Variants in MCPH1 observed in about 807,000 individuals in gnomAD.
The protein encoded by MCPH1 is microcephalin.
Under a neutral mutation model 84.5 loss-of-function variants are expected in MCPH1, and 104 were observed. The ratio of observed to expected loss-of-function variants is 1.23; its 90% CI spans 1.05 to 1.45. The LOEUF is 1.45. Among genes scored for constraint, MCPH1 ranks in the 40% most tolerant of loss-of-function variants. The pLI is 0.00. For synonymous variants in MCPH1, 514 were observed against 366.8 expected (o/e 1.40, Z -4.58); for missense variants, 1,498 against 1,005.7 (o/e 1.49, Z -6.62).
intron 12 of MCPH1, chr8:6,615,781 G>A (rs945452854): frequency 6.6e-6 from 1 of 152,182 alleles, no homozygotes; most frequent in African/African-American, 2.4e-5. Flanking sequence ...ATATTTGGGG[G>A]ACAGAGAACA....
rs1554499807 is a variant in MCPH1 at position 6,465,920 on chromosome 8, T to TATCA, written c.1935+10671_1935+10672insAATC. ...TAATTATTTCCTACTCAATTTTATC[T>TATCA]ATCGATCCATCCATCCATCCATCCA... On this transcript the variant is annotated intron_variant, in intron 9 of 13. Coordinates refer to ENST00000344683, the MANE Select transcript of MCPH1 (RefSeq NM_024596.5). Among the ~76,000 whole-genome samples, 3 of 92,160 alleles carry TATCA rather than the reference T, an allele frequency of 3.3e-5. No homozygotes were observed. The East Asian group carries it at 9.5e-4, about 29-fold the overall frequency. 60.5% of individuals were successfully genotyped at this position (92,160 alleles called of 152,430 possible).
chr8:6,587,128 G>A (rs982660571), intron 12 of MCPH1, among the ~76,000 whole-genome samples: 1 of 152,072 alleles, frequency 6.6e-6, no homozygotes, highest in Non-Finnish European at 1.5e-5. Flanking sequence ...GAGTATGCGT[G>A]CACGTCTCTG....
At chr8:6,545,515 A>G (rs184259489) in intron 12 of MCPH1, among the ~76,000 whole-genome samples, 31 of 152,356 alleles carry the variant, frequency 2.0e-4, no homozygotes, top group Non-Finnish European at 2.1e-4. Flanking sequence ...TTGGAAAAGT[A>G]ATTTTAAAGT....
At chr8:6,602,816 C>A (rs1443043068) in intron 12 of MCPH1, among the ~76,000 whole-genome samples, 1 of 151,914 alleles carries the variant, frequency 6.6e-6, no homozygotes, top group Non-Finnish European at 1.5e-5. Context: ...AGCATATTTG[C>A]TTGGTGTTTT....
Position 6,445,020 on chromosome 8 carries a change from C to G in MCPH1, c.1298C>G (p.Ser433Cys), listed in dbSNP as rs757893077. ...ERYSENLPPE[S>C]QLPSSPAQLS... Reference sequence around the variant, plus strand: ...TATTCAGAGAATCTTCCTCCTGAATCTCAGCTGCCATCAAGCCCTGCTCAG... The same window carrying G: ...TATTCAGAGAATCTTCCTCCTGAATGTCAGCTGCCATCAAGCCCTGCTCAG... Residue 433 changes from serine (S) to cysteine (C), a missense_variant, in exon 8 of 14, where the codon TCT (serine) becomes TGT (cysteine). Coordinates refer to ENST00000344683, the MANE Select transcript of MCPH1 (RefSeq NM_024596.5). The G allele has an allele frequency of 6.2e-7, 1 of 1,614,094 alleles. No homozygotes were observed. The highest frequency in any genetic ancestry group is 1.3e-5 in the African/African-American group (1 of 74,936).
intron 12 of MCPH1, among the ~76,000 whole-genome samples, chr8:6,603,125 A>C (rs954799236): frequency 1.1e-4 from 17 of 152,058 alleles, no homozygotes; most frequent in African/African-American, 3.9e-4. Context: ...ATTTTTTAAG[A>C]AAAGTCAAAT....
chr8:6,506,069 A>G (rs974470637), intron 12 of MCPH1, among the ~76,000 whole-genome samples: 1 of 149,052 alleles, frequency 6.7e-6, no homozygotes, highest in Non-Finnish European at 1.5e-5. Flanking sequence ...GTGTTTATAC[A>G]TTGGTTTGTT....
intron 12 of MCPH1, among the ~76,000 whole-genome samples, chr8:6,543,477 T>C (rs1272753051): frequency 6.6e-6 from 1 of 152,170 alleles, no homozygotes; most frequent in African/African-American, 2.4e-5. Flanking sequence ...CAAAACGCAC[T>C]GACGGGCAAT....
At chr8:6,622,984 G>A (rs1159788293) in intron 13 of MCPH1, among the ~76,000 whole-genome samples, 1 of 150,884 alleles carries the variant, frequency 6.6e-6, no homozygotes, top group African/African-American at 2.4e-5. Context: ...GGAACTACAG[G>A]TGCACACCAC....
chr8:6,496,192 A>C (rs906949420), intron 11 of MCPH1, among the ~76,000 whole-genome samples: 1 of 152,142 alleles, frequency 6.6e-6, no homozygotes, highest in Non-Finnish European at 1.5e-5. Flanking sequence ...GTGACGAGAG[A>C]CAGTGACAGA....
intron 3 of MCPH1, among the ~76,000 whole-genome samples, chr8:6,419,992 C>T (rs955329745): frequency 2.0e-5 from 3 of 151,194 alleles, no homozygotes; most frequent in Non-Finnish European, 4.4e-5. Flanking sequence ...GTGGCCAGAG[C>T]GTCCTCTTCT....
At chr8:6,518,193 T>C (rs1008961032) in intron 12 of MCPH1, among the ~76,000 whole-genome samples, 9 of 152,186 alleles carry the variant, frequency 5.9e-5, no homozygotes, top group African/African-American at 1.7e-4. Context: ...TCTGCATCGG[T>C]GTCCATGGCA....
rs540395049 is a variant in MCPH1, at chr8:6,440,010, T to C, written c.580+914T>C. The stretch of plus-strand genomic sequence containing the variant: ...TTCTGTGTGGAGGTGTAATTTCTGT[T>C]TTACCTAAATTAGATAATGACATAT... On this transcript the variant is annotated intron_variant, in intron 6 of 13. Coordinates refer to ENST00000344683, the MANE Select transcript of MCPH1 (RefSeq NM_024596.5). Among the ~76,000 whole-genome samples, 18 of 152,338 alleles carry C rather than the reference T, an allele frequency of 1.2e-4. No homozygotes were observed. In the South Asian group the frequency reaches 3.5e-3, roughly 30 times the overall value.
At chr8:6,494,675 G>T (rs1305590975) in intron 11 of MCPH1, 1 of 152,158 alleles carries the variant, frequency 6.6e-6, no homozygotes, top group Non-Finnish European at 1.5e-5. Flanking sequence ...ATTCCTTTCA[G>T]ACAGTATATC....
At chr8:6,552,634 A>G (rs1437241901) in intron 12 of MCPH1, among the ~76,000 whole-genome samples, 4 of 152,168 alleles carry the variant, frequency 2.6e-5, no homozygotes, top group African/African-American at 4.8e-5. Context: ...GCAATTGTGT[A>G]GCATCTTACA....
intron 3 of MCPH1, among the ~76,000 whole-genome samples, chr8:6,420,863 C>T (rs947529397): frequency 6.6e-6 from 1 of 152,110 alleles, no homozygotes; most frequent in African/African-American, 2.4e-5. Flanking sequence ...GAAAGAATTC[C>T]ACGGAGGAGC....
chr8:6,518,222 C>A (rs1816660719), intron 12 of MCPH1, among the ~76,000 whole-genome samples: 2 of 152,184 alleles, frequency 1.3e-5, no homozygotes, highest in East Asian at 1.9e-4. Context: ...TCACATGCAT[C>A]CTCTGTCCCC....
chr8:6,580,830 T>A, intron 12 of MCPH1, among the ~76,000 whole-genome samples: 1 of 152,222 alleles, frequency 6.6e-6, no homozygotes, highest in Non-Finnish European at 1.5e-5. Flanking sequence ...TTCCTGTAAA[T>A]AACTTTGCAT....
At chr8:6,407,642 A>G (rs1479320769) in intron 1 of MCPH1, among the ~76,000 whole-genome samples, 1 of 152,222 alleles carries the variant, frequency 6.6e-6, no homozygotes, top group Non-Finnish European at 1.5e-5. Context: ...GTCTGTAATC[A>G]GATGTGGCTA....
Sources: gnomAD v4.1 joint callset for allele counts (sites outside exome capture counted in the v4.1 genomes callset) on GRCh38, gnomAD v4.1.1 for gene constraint, MANE v1.5 for transcripts, NCBI Gene and HGNC (gene_info 2026-07-23, HGNC 2026-07-21) for gene names.